CLNK: variants seen among roughly 807,000 people sequenced by gnomAD.
CLNK encodes cytokine dependent hematopoietic cell linker.
CLNK carries 74 observed loss-of-function variants against 68.6 expected under a neutral mutation model. The observed-to-expected ratio is 1.08, with a 90% CI of 0.89 to 1.31. The LOEUF is 1.31. CLNK is among the 50% of genes most tolerant of loss of function. CLNK has a pLI of 0.00. For synonymous variants in CLNK, 198 were observed against 172.2 expected (o/e 1.15, Z -1.17); for missense variants, 553 against 515.3 (o/e 1.07, Z -0.71).
chr4:10,691,181 A>T, the CLNK span, among the ~76,000 whole-genome samples: 105 of 152,208 alleles, frequency 6.9e-4, 1 homozygote, highest in Admixed American at 6.0e-3. Context: ...AGGTATTGGG[A>T]TATACATATA....
At chr4:10,655,924 C>T (rs1002176581) in intron 2 of CLNK, among the ~76,000 whole-genome samples, 5 of 152,096 alleles carry the variant, frequency 3.3e-5, no homozygotes. Context: ...GCTGGGATTA[C>T]AGGCGTGAGC....
At chr4:10,622,368 A>T (rs890175072) in intron 2 of CLNK, among the ~76,000 whole-genome samples, 1 of 152,158 alleles carries the variant, frequency 6.6e-6, no homozygotes, top group Admixed American at 6.5e-5. Flanking sequence ...CACTTTGTTT[A>T]TTCTTGGGTT....
At chr4:10,610,190 G>A (rs1721957098) in intron 2 of CLNK, among the ~76,000 whole-genome samples, 1 of 149,978 alleles carries the variant, frequency 6.7e-6, no homozygotes, top group South Asian at 2.1e-4. Flanking sequence ...CCGAGTAGCT[G>A]GGACTACAGG....
chr4:10,560,134 C>T (rs562494333), intron 7 of CLNK, among the ~76,000 whole-genome samples: 1 of 152,214 alleles, frequency 6.6e-6, no homozygotes. Context: ...TGGCTACTCT[C>T]GGAGATGCAG....
intron 3 of CLNK, among the ~76,000 whole-genome samples, chr4:10,588,300 G>T (rs1329297055): frequency 6.6e-6 from 1 of 152,136 alleles, no homozygotes; most frequent in African/African-American, 2.4e-5. Context: ...TTCTAACCCT[G>T]ACCTTATCTG....
chr4:10,719,848 A>T, the CLNK span, among the ~76,000 whole-genome samples: 1 of 152,316 alleles, frequency 6.6e-6, no homozygotes, highest in East Asian at 1.9e-4. Flanking sequence ...AACTTAAAGT[A>T]TTTAAAATCA....
chr4:10,699,093 G>C, the CLNK span, among the ~76,000 whole-genome samples: 1 of 151,776 alleles, frequency 6.6e-6, no homozygotes, highest in Non-Finnish European at 1.5e-5. Flanking sequence ...TACACGTCAG[G>C]TTTCCTGGGT....
intron 2 of CLNK, among the ~76,000 whole-genome samples, chr4:10,638,432 G>A (rs181707771): frequency 3.3e-5 from 5 of 152,282 alleles, no homozygotes; most frequent in East Asian, 1.9e-4. Context: ...TGGCTTTGGC[G>A]AAAAGCAGAT....
At chr4:10,609,265 C>T (rs1188385616) in intron 2 of CLNK, among the ~76,000 whole-genome samples, 1 of 152,190 alleles carries the variant, frequency 6.6e-6, no homozygotes, top group East Asian at 1.9e-4. Flanking sequence ...CTGGCTCTGG[C>T]CCTATTTTCC....
chr4:10,534,676 C>G (rs1172951062), intron 11 of CLNK, among the ~76,000 whole-genome samples: 3 of 152,142 alleles, frequency 2.0e-5, no homozygotes, highest in Non-Finnish European at 2.9e-5. Flanking sequence ...ATTTGCAGAA[C>G]ATTTTAATGT....
At chr4:10,534,880 C>T (rs1718681873) in intron 11 of CLNK, among the ~76,000 whole-genome samples, 2 of 152,146 alleles carry the variant, frequency 1.3e-5, no homozygotes, top group African/African-American at 4.8e-5. Context: ...AAAATCAATA[C>T]TTTCCATTCA....
At chr4:10,706,091 G>T in the CLNK span, among the ~76,000 whole-genome samples, 1 of 152,202 alleles carries the variant, frequency 6.6e-6, no homozygotes. Flanking sequence ...CTAGAGTCTT[G>T]CTTTGGGGTC....
chr4:10,486,707 C>A lies in CLNK; in HGVS notation c.*3760G>T, dbSNP rs1354770153. On this transcript the variant is annotated 3_prime_UTR_variant, in exon 19 of 19. Coordinates refer to ENST00000226951, the MANE Select transcript of CLNK (RefSeq NM_052964.4). ...ACAGGCACAGGCACACACATGCACA[C>A]CCCACATAAATAAGTTTGGGAAAAT... 3 of 152,062 alleles carry A rather than the reference C, an allele frequency of 2.0e-5. No homozygotes were observed. In the East Asian group the frequency reaches 5.8e-4, roughly 29 times the overall value. 9.4% of individuals were successfully genotyped at this position (152,062 alleles called of 1,614,324 possible).
chr4:10,491,372 C>T (rs1416093555), intron 18 of CLNK, among the ~76,000 whole-genome samples: 2 of 70,582 alleles, frequency 2.8e-5, no homozygotes, highest in African/African-American at 4.1e-5. Flanking sequence ...GATGTAGGCT[C>T]GAATGTAGTA....
At chr4:10,563,396 T>C (rs905366870) in intron 7 of CLNK, among the ~76,000 whole-genome samples, 1 of 152,228 alleles carries the variant, frequency 6.6e-6, no homozygotes, top group Non-Finnish European at 1.5e-5. Flanking sequence ...AATTTTACAA[T>C]ACATACTGAA....
At chr4:10,542,388 A>G (rs1719066502) in intron 8 of CLNK, 108 bp from the exon 9 acceptor site, 1 of 742,976 alleles carries the variant, frequency 1.3e-6, no homozygotes, top group Non-Finnish European at 2.3e-6. Flanking sequence ...TATTGGTGAT[A>G]ACGTCAGTTA....
At chr4:10,629,612 C>T (rs969577761) in intron 2 of CLNK, among the ~76,000 whole-genome samples, 14 of 152,180 alleles carry the variant, frequency 9.2e-5, no homozygotes, top group Non-Finnish European at 7.3e-5. Context: ...CAGCAAACCT[C>T]GGGGAGATTG....
chr4:10,700,966 A>C, the CLNK span, among the ~76,000 whole-genome samples: 1 of 152,132 alleles, frequency 6.6e-6, no homozygotes, highest in African/African-American at 2.4e-5. Flanking sequence ...CATTTCAGCA[A>C]ATTGTTACGA....
intron 3 of CLNK, among the ~76,000 whole-genome samples, chr4:10,585,269 G>A (rs1720927432): frequency 6.6e-6 from 1 of 152,124 alleles, no homozygotes; most frequent in African/African-American, 2.4e-5. Context: ...ACACATATAG[G>A]TAGTGTTAAA....
Sources: gnomAD v4.1 joint callset for allele counts (sites outside exome capture counted in the v4.1 genomes callset) on GRCh38, gnomAD v4.1.1 for gene constraint, MANE v1.5 for transcripts, NCBI Gene and HGNC (gene_info 2026-07-23, HGNC 2026-07-21) for gene names.